The following PDIA6 variants were observed in gnomAD, a reference collection of about 807,000 sequenced individuals.
PDIA6 encodes the protein protein disulfide isomerase family A member 6.
A neutral mutation model predicts 58.4 loss-of-function variants in PDIA6; 29 were observed. The observed-to-expected ratio is 0.50, with a 90% confidence interval of 0.37 to 0.68. The LOEUF is 0.68. Among genes scored for constraint, PDIA6 ranks in the 30% least tolerant of loss-of-function variants. PDIA6 has a pLI of 0.00. For missense variants in PDIA6, 480 were observed against 551.0 expected (o/e 0.87, Z 1.29); for synonymous variants, 192 against 202.6 (o/e 0.95, Z 0.44).
At chr2:10,799,284 G>C (rs1666403376) in intron 2 of PDIA6, among the ~76,000 whole-genome samples, 1 of 152,146 alleles carries the variant, frequency 6.6e-6, no homozygotes, top group African/African-American at 2.4e-5. Context: ...TAAAAACAAA[G>C]TAAATTCTCT....
At chr2:10,820,083 T>A (rs746847231) in intron 1 of PDIA6, among the ~76,000 whole-genome samples, 12 of 152,168 alleles carry the variant, frequency 7.9e-5, no homozygotes, top group Admixed American at 7.9e-4. Context: ...GTGGCCTCAT[T>A]GTCTGGGGTA....
At position 10,797,226 on chromosome 2, in the gene PDIA6, A is replaced by G; in HGVS notation, c.220-19T>C. The G allele has an allele frequency of 1.2e-6, 2 of 1,602,014 alleles. No homozygotes were observed. On this transcript the variant is annotated intron_variant, in intron 3 of 12. Transcript: ENST00000272227. ...CAACATCCTGTGGAAATGTAAAAGA[A>G]ATAACAATTTTTCCTTCCGCTAAAG...
At position 10,818,493 on chromosome 2, in the gene PDIA6, T is replaced by A. The variant is rs557856263; in HGVS notation, c.34+781A>T. Among the ~76,000 whole-genome samples the A allele has an allele frequency of 2.7e-3, 320 of 117,244 alleles. 1 individual carries two copies. Among genetic ancestry groups the A allele is most frequent in the African/African-American group, 4.4e-3 (139 of 31,652 alleles). 76.9% of individuals were successfully genotyped at this position (117,244 alleles called of 152,430 possible). On this transcript the variant is annotated intron_variant, in intron 2 of 13. Coordinates refer to the PDIA6 transcript ENST00000381611. ...ACTTTAACCATTTAATTTATTTATTTATTTATTTATTTATTTATTTATTTA... is the reference window on the plus strand; with the variant it reads ...ACTTTAACCATTTAATTTATTTATTAATTTATTTATTTATTTATTTATTTA...
rs578225695 is a variant in PDIA6 at position 10,801,663 on chromosome 2, C to T, written c.161+836G>A. 9.8e-5 allele frequency among the ~76,000 whole-genome samples: 15 copies of T among 152,292 alleles called. No homozygotes were observed. In the South Asian group the frequency reaches 1.2e-3, roughly 13 times the overall value. On this transcript the variant is annotated intron_variant, in intron 2 of 12. Transcript: ENST00000272227. ...GGCAACATCCACTTTGAAAATAGAG[C>T]GTTTTTACCTCCATTTGCTACACTG...
chr2:10,817,306 A>T (rs1028527541), upstream of PDIA6, among the ~76,000 whole-genome samples: 25 of 152,216 alleles, frequency 1.6e-4, no homozygotes, highest in African/African-American at 5.8e-4. Context: ...ACGCTGTTAC[A>T]ACACGGCAGG....
At chr2:10,836,543 CT>C (rs111443285), upstream of PDIA6, among the ~76,000 whole-genome samples, 1,906 of 140,248 alleles carry the variant, frequency 0.014, 22 homozygotes, top group African/African-American at 0.039. Context: ...CTTTTGCAGG[CT>C]TTTTTTTTTT....
At chr2:10,816,725 G>T (rs1426576330), upstream of PDIA6, among the ~76,000 whole-genome samples, 1 of 151,830 alleles carries the variant, frequency 6.6e-6, no homozygotes, top group Non-Finnish European at 1.5e-5. Context: ...CAGTTATTTT[G>T]CTTCCCAAGA....
chr2:10,809,747 G>C (rs1377528828), intron 1 of PDIA6, among the ~76,000 whole-genome samples: 5 of 149,462 alleles, frequency 3.3e-5, no homozygotes, highest in Non-Finnish European at 5.9e-5. Context: ...AAATCGATAT[G>C]AATTTGGTAC....
Position 10,784,124 on chromosome 2 carries a change from G to C in PDIA6, c.*134C>G, listed in dbSNP as rs776004654. 2.3e-5 allele frequency: 12 copies of C among 524,046 alleles called. No individual in the cohort carries two copies. The highest frequency in any genetic ancestry group is 4.0e-5 in the Non-Finnish European group (12 of 300,946). The allele number at this position is 524,046 out of a possible 1,614,324, so 32.5% of individuals were successfully genotyped here. On this transcript the variant is annotated 3_prime_UTR_variant, in exon 13 of 13. Transcript: ENST00000272227. Reference sequence around the variant, plus strand: ...GTTCACTGTTGCAGTGTTTTCAAATGACCAATCAAGTACTACTTCTTGGTT... The same window carrying C: ...GTTCACTGTTGCAGTGTTTTCAAATCACCAATCAAGTACTACTTCTTGGTT...
chr2:10,834,251 A>G (rs1435987071), upstream of PDIA6, among the ~76,000 whole-genome samples: 1 of 152,190 alleles, frequency 6.6e-6, no homozygotes, highest in African/African-American at 2.4e-5. Flanking sequence ...AAAAAAGGGA[A>G]CCTCTCAGGC....
At chr2:10,834,888 T>C (rs1037778159), upstream of PDIA6, among the ~76,000 whole-genome samples, 6 of 151,990 alleles carry the variant, frequency 3.9e-5, no homozygotes, top group Non-Finnish European at 8.8e-5. Flanking sequence ...TGCCTCAGCC[T>C]CCTTAGTAGC....
chr2:10,788,291 T>TGC (rs1264357825), intron 10 of PDIA6, among the ~76,000 whole-genome samples: 1 of 152,178 alleles, frequency 6.6e-6, no homozygotes, highest in Non-Finnish European at 1.5e-5. Context: ...GAAAAATGCA[T>TGC]GCTGTGCTGA....
chr2:10,784,156 C>CCA lies in PDIA6; in HGVS notation c.*100_*101dup. 1.3e-6 allele frequency: 1 copy of CCA among 756,560 alleles called. No individual in the cohort carries two copies. The highest frequency in any genetic ancestry group is 2.1e-6 in the Non-Finnish European group (1 of 474,386). 46.9% of individuals were successfully genotyped at this position (756,560 alleles called of 1,614,324 possible). ...CAAGTACTACTTCTTGGTTAAAAGG[C>CCA]CACTGGTAGAGTCATCTGAGTGTAG... On this transcript the variant is annotated 3_prime_UTR_variant, in exon 13 of 13. Transcript: ENST00000272227.
chr2:10,797,262 A>G (rs1666305372), intron 3 of PDIA6, 55 bp from the exon 4 acceptor site: 1 of 1,558,802 alleles, frequency 6.4e-7, no homozygotes, highest in Admixed American at 1.9e-5. Context: ...CAGACTCCAC[A>G]AGAACTCATT....
At position 10,786,781 on chromosome 2, in the gene PDIA6, CAGAGT is replaced by C. The variant is rs531458439; in HGVS notation, c.1157+495_1157+499del. 1.1e-4 allele frequency among the ~76,000 whole-genome samples: 17 copies of C among 152,308 alleles called. No individual in the cohort carries two copies. The South Asian group carries it at 2.3e-3, about 20-fold the overall frequency. ...TGATTAGGTGAGCTGAATAGCAGAGCAGAGTAGACAGCTCTGTATATTGGTTTTAG... is the reference window on the plus strand; with the variant it reads ...TGATTAGGTGAGCTGAATAGCAGAGCAGACAGCTCTGTATATTGGTTTTAG... On this transcript the variant is annotated intron_variant, in intron 11 of 12. Coordinates refer to ENST00000272227, the MANE Select transcript of PDIA6 (RefSeq NM_005742.4).
In PDIA6 at chr2:10,825,587, A is replaced by G. The variant is rs544047357; in HGVS notation, c.-47-6233T>C. Among the ~76,000 whole-genome samples, 14 of 152,352 alleles carry G rather than the reference A, an allele frequency of 9.2e-5. No homozygotes were observed. In the South Asian group the frequency reaches 1.0e-3, roughly 11 times the overall value. On this transcript the variant is annotated intron_variant, in intron 1 of 13. Transcript: ENST00000381611. ...TTTGCAATGATATGTCTGGTAATGA[A>G]CTAGTATCTAGAATGTATAAGGAAT... is the stretch of plus-strand genomic sequence containing the variant.
intron 4 of PDIA6, among the ~76,000 whole-genome samples, chr2:10,794,322 T>C (rs1462729982): frequency 6.6e-6 from 1 of 151,758 alleles, no homozygotes; most frequent in Non-Finnish European, 1.5e-5. Flanking sequence ...GGTGGACATC[T>C]ATAATCCCAG....
chr2:10,793,012 G>A (rs1211700451), intron 5 of PDIA6, 84 bp downstream of exon 5: 1 of 884,082 alleles, frequency 1.1e-6, no homozygotes, highest in East Asian at 2.6e-5. Context: ...TTAACATACT[G>A]TTAAAAAACA....
chr2:10,798,046 C>T lies in PDIA6; in HGVS notation c.162-289G>A, dbSNP rs554715646. 8.4e-4 allele frequency among the ~76,000 whole-genome samples: 128 copies of T among 151,992 alleles called. 1 individual carries two copies. The highest frequency in any genetic ancestry group is 1.5e-3 in the Non-Finnish European group (104 of 67,976). ...AATAAAAATACAAAAATTAGCCAGG[C>T]GTGGTGGTGCACGCTTGTAATCCTA... On this transcript the variant is annotated intron_variant, in intron 2 of 12. Transcript: ENST00000272227.
Sources: allele counts gnomAD v4.1 joint callset (sites outside exome capture counted in the v4.1 genomes callset), GRCh38; gene constraint gnomAD v4.1.1; transcripts MANE v1.5; gene names NCBI Gene and HGNC (gene_info 2026-07-23, HGNC 2026-07-21).